The following LOC102723971 variants were observed in gnomAD, a reference collection of about 807,000 sequenced individuals.
chr9:135,616,564 C>G, the LOC102723971 span: 4 of 398,632 alleles, frequency 1.0e-5, no homozygotes, highest in Non-Finnish European at 1.8e-5. Context: ...TGACCAGGCC[C>G]TGGTTCCTTT....
the LOC102723971 span, among the ~76,000 whole-genome samples, chr9:135,615,897 G>A: frequency 3.3e-5 from 5 of 152,368 alleles, 1 homozygote; most frequent in African/African-American, 9.6e-5. Context: ...GAGGACGGCT[G>A]CACTGTCAGC....
the LOC102723971 span, among the ~76,000 whole-genome samples, chr9:135,617,741 G>A: frequency 6.6e-6 from 1 of 152,172 alleles, no homozygotes; most frequent in African/African-American, 2.4e-5. Context: ...TGGGGCCGGT[G>A]CAATCAGAGC....
At chr9:135,614,575 G>A in the LOC102723971 span, among the ~76,000 whole-genome samples, 1 of 152,176 alleles carries the variant, frequency 6.6e-6, no homozygotes, top group African/African-American at 2.4e-5. Context: ...TAACCTCGGG[G>A]CCTTTCCCTC....
At chr9:135,619,734 G>A in the LOC102723971 span, among the ~76,000 whole-genome samples, 10 of 152,036 alleles carry the variant, frequency 6.6e-5, no homozygotes, top group Non-Finnish European at 1.3e-4. Context: ...AGCCAGGGCT[G>A]CCCATCGGCA....
chr9:135,619,642 C>A, the LOC102723971 span, among the ~76,000 whole-genome samples: 3 of 152,166 alleles, frequency 2.0e-5, no homozygotes, highest in African/African-American at 7.2e-5. Flanking sequence ...ACAGCTGTAC[C>A]TGTGTGGCAG....
At chr9:135,619,846 GCCTTCTCCCCCTTCTCCCCCTTCTCCC>G in the LOC102723971 span, among the ~76,000 whole-genome samples, 4 of 145,948 alleles carry the variant, frequency 2.7e-5, no homozygotes, top group East Asian at 2.1e-4. Context: ...CTCCAGTGAG[GCCTTCTCCCCCTTCTCCCCCTTCTCCC>G]CCTTCTCCCC....
chr9:135,616,901 T>TC, the LOC102723971 span: 1 of 398,600 alleles, frequency 2.5e-6, no homozygotes, highest in Non-Finnish European at 4.4e-6. Flanking sequence ...GCCCGGGGTC[T>TC]CCAACAGTCG....
chr9:135,619,882 C>CCCTT, the LOC102723971 span, among the ~76,000 whole-genome samples: 1 of 119,992 alleles, frequency 8.3e-6, no homozygotes, highest in Non-Finnish European at 1.8e-5. Flanking sequence ...CCCCTTCTCC[C>CCCTT]CAATCTCCCC....
the LOC102723971 span, chr9:135,614,197 A>G: frequency 2.5e-6 from 1 of 398,550 alleles, no homozygotes; most frequent in Non-Finnish European, 4.4e-6. Context: ...CGGGCAGCGC[A>G]GAGGAGGGAG....
At chr9:135,616,708 G>A in the LOC102723971 span, 1 of 398,550 alleles carries the variant, frequency 2.5e-6, no homozygotes, top group Non-Finnish European at 4.4e-6. Context: ...GTGGGGAGGG[G>A]CGAGCAAGGG....
At chr9:135,615,944 C>T in the LOC102723971 span, among the ~76,000 whole-genome samples, 1 of 152,228 alleles carries the variant, frequency 6.6e-6, no homozygotes, top group African/African-American at 2.4e-5. Flanking sequence ...CTACGCTGAG[C>T]GCAGTGACAC....
chr9:135,615,487 G>A, the LOC102723971 span: 1 of 398,732 alleles, frequency 2.5e-6, no homozygotes, highest in South Asian at 1.3e-4. Context: ...TGGACTTCGT[G>A]CTGTTCTGGA....
At chr9:135,618,153 TC>T in the LOC102723971 span, 1 of 395,746 alleles carries the variant, frequency 2.5e-6, no homozygotes, top group Non-Finnish European at 4.5e-6. Flanking sequence ...CCATCCGCAC[TC>T]CCCTTACGGC....
the LOC102723971 span, chr9:135,614,260 G>A: frequency 1.5e-5 from 6 of 398,574 alleles, no homozygotes; most frequent in African/African-American, 6.2e-5. Context: ...AGAAAGGCCC[G>A]CTCCTGCTGC....
At chr9:135,615,058 A>C in the LOC102723971 span, among the ~76,000 whole-genome samples, 1 of 152,172 alleles carries the variant, frequency 6.6e-6, no homozygotes, top group Non-Finnish European at 1.5e-5. Flanking sequence ...GGCATTTGCC[A>C]ATAGAGACCA....
the LOC102723971 span, among the ~76,000 whole-genome samples, chr9:135,619,252 C>T: frequency 0.57 from 86,438 of 152,062 alleles, 24,894 homozygotes; most frequent in Non-Finnish European, 0.59. Context: ...GCCTGTGGGC[C>T]TGGAGCACAC....
chr9:135,616,938 G>T, the LOC102723971 span: 2 of 398,606 alleles, frequency 5.0e-6, no homozygotes, highest in Admixed American at 4.4e-5. Flanking sequence ...CGTATGCTTC[G>T]TCAGCACCGA....
chr9:135,614,358 T>C, the LOC102723971 span: 23 of 397,378 alleles, frequency 5.8e-5, no homozygotes, highest in East Asian at 8.2e-4. Context: ...AAGGTACGTG[T>C]CATGGGTCCA....
the LOC102723971 span, chr9:135,618,141 G>A: frequency 7.6e-6 from 3 of 397,284 alleles, no homozygotes; most frequent in East Asian, 1.1e-4. Flanking sequence ...TGAGGGTGTA[G>A]CCCATCCGCA....
Sources: gnomAD v4.1 joint callset for allele counts (sites outside exome capture counted in the v4.1 genomes callset) on GRCh38, gnomAD v4.1.1 for gene constraint, MANE v1.5 for transcripts.